The following EPB41L4B variants were observed in gnomAD, a reference collection of about 807,000 sequenced individuals.
EPB41L4B encodes band 4.1-like protein 4B.
In EPB41L4B, 30 loss-of-function variants were observed where a neutral mutation model predicts 112.5. That is an observed-to-expected ratio of 0.27 (90% confidence interval 0.20 to 0.36). The LOEUF (loss-of-function observed/expected upper bound fraction) is 0.36. EPB41L4B is among the 10% of genes least tolerant of loss of function. EPB41L4B has a pLI of 1.00. For missense variants in EPB41L4B, 1,024 were observed against 1,133.3 expected (o/e 0.90, Z 1.38); for synonymous variants, 408 against 439.7 (o/e 0.93, Z 0.90).
intron 13 of EPB41L4B, among the ~76,000 whole-genome samples, chr9:109,250,596 C>T (rs1246014138): frequency 6.6e-6 from 1 of 152,178 alleles, no homozygotes; most frequent in Non-Finnish European, 1.5e-5. Flanking sequence ...GCAGTTGTTT[C>T]AGAGAGAGCA....
intron 16 of EPB41L4B, among the ~76,000 whole-genome samples, chr9:109,215,126 A>AC (rs1342719687): frequency 3.9e-5 from 6 of 152,168 alleles, no homozygotes; most frequent in Non-Finnish European, 8.8e-5. Context: ...TCAACAGCTC[A>AC]CAGACTCACA....
intron 15 of EPB41L4B, among the ~76,000 whole-genome samples, chr9:109,241,990 T>C (rs1333272059): frequency 6.6e-6 from 1 of 152,180 alleles, no homozygotes; most frequent in Non-Finnish European, 1.5e-5. Context: ...CAGATGCAGA[T>C]CACCTATGAA....
chr9:109,256,180 G>T lies in EPB41L4B; in HGVS notation c.885C>A (p.Gly295=). Residue 295 remains glycine, a synonymous_variant, in exon 9 of 26, where the codon GGC becomes GGA. Coordinates refer to ENST00000374566, the MANE Select transcript of EPB41L4B (RefSeq NM_019114.5). Reference sequence around the variant, plus strand: ...TGTTAGCTCCTTCAAAGATTAATATGCCTGTCGGGGTCAGTCCAAGAGAAT... The same window carrying T: ...TGTTAGCTCCTTCAAAGATTAATATTCCTGTCGGGGTCAGTCCAAGAGAAT... ...CEYSLGLTPT[G]ILIFEGANKI... 1 of 1,614,152 alleles carries T rather than the reference G, an allele frequency of 6.2e-7. No individual in the cohort carries two copies. Among genetic ancestry groups the T allele is most frequent in the Middle Eastern group, 1.6e-4 (1 of 6,062 alleles).
intron 15 of EPB41L4B, among the ~76,000 whole-genome samples, chr9:109,235,389 A>AC (rs1834102957): frequency 9.9e-6 from 1 of 100,716 alleles, no homozygotes; most frequent in African/African-American, 3.5e-5. Flanking sequence ...CTTCAGCTAG[A>AC]CTTTTTTTTT....
chr9:109,199,957 G>A (rs1564260263), intron 20 of EPB41L4B, among the ~76,000 whole-genome samples: 1 of 152,096 alleles, frequency 6.6e-6, no homozygotes, highest in African/African-American at 2.4e-5. Flanking sequence ...GCCATGCCCC[G>A]ACCCCCACTC....
chr9:109,303,366 G>A (rs1837051377), intron 1 of EPB41L4B, among the ~76,000 whole-genome samples: 1 of 152,102 alleles, frequency 6.6e-6, no homozygotes, highest in African/African-American at 2.4e-5. Flanking sequence ...CGGGTTTTGA[G>A]ACAGCATCTT....
chr9:109,301,524 C>T (rs1836965886), intron 1 of EPB41L4B, among the ~76,000 whole-genome samples: 1 of 152,172 alleles, frequency 6.6e-6, no homozygotes, highest in South Asian at 2.1e-4. Flanking sequence ...CCTGAGCTTC[C>T]CTACCCCCGA....
intron 18 of EPB41L4B, 126 bp downstream of exon 18, chr9:109,207,798 C>T (rs1351770853): frequency 1.2e-5 from 14 of 1,173,232 alleles, no homozygotes; most frequent in African/African-American, 3.1e-5. Flanking sequence ...TTCACATGCC[C>T]GGTTCTCATC....
chr9:109,258,404 G>C, intron 6 of EPB41L4B, 107 bp from the exon 7 acceptor site: 1 of 1,180,502 alleles, frequency 8.5e-7, no homozygotes, highest in Non-Finnish European at 1.2e-6. Context: ...ACAGCCCCCC[G>C]CCCCAATGTA....
intron 1 of EPB41L4B, among the ~76,000 whole-genome samples, chr9:109,294,130 C>G (rs532717778): frequency 2.6e-5 from 4 of 151,692 alleles, no homozygotes; most frequent in African/African-American, 4.8e-5. Context: ...CACAGTGAAA[C>G]CCCATTTCTA....
At chr9:109,304,296 G>A (rs762009235) in intron 1 of EPB41L4B, among the ~76,000 whole-genome samples, 10 of 152,086 alleles carry the variant, frequency 6.6e-5, no homozygotes, top group Non-Finnish European at 1.0e-4. Context: ...GTCTTAGAAC[G>A]CCAGCTGGCT....
intron 15 of EPB41L4B, among the ~76,000 whole-genome samples, chr9:109,233,037 T>C (rs1259942624): frequency 6.6e-6 from 1 of 152,228 alleles, no homozygotes; most frequent in East Asian, 1.9e-4. Context: ...CCTCTTGCTT[T>C]TGAGGTCTCA....
intron 1 of EPB41L4B, among the ~76,000 whole-genome samples, chr9:109,311,099 G>A (rs934618577): frequency 1.3e-5 from 2 of 152,152 alleles, no homozygotes; most frequent in East Asian, 1.9e-4. Context: ...GATGAAAAAC[G>A]TCTGGAGACC....
chr9:109,186,345 G>A (rs548473289), intron 22 of EPB41L4B, among the ~76,000 whole-genome samples: 2 of 152,050 alleles, frequency 1.3e-5, no homozygotes, highest in Admixed American at 1.3e-4. Flanking sequence ...GCACCACCAT[G>A]CCCAGCTAAT....
At chr9:109,202,288 C>A (rs1016219079) in intron 19 of EPB41L4B, among the ~76,000 whole-genome samples, 12 of 152,152 alleles carry the variant, frequency 7.9e-5, no homozygotes, top group African/African-American at 2.9e-4. Flanking sequence ...TTATACCAAG[C>A]ACACAGATTG....
At chr9:109,283,076 T>C (rs1157326092) in intron 1 of EPB41L4B, among the ~76,000 whole-genome samples, 1 of 152,206 alleles carries the variant, frequency 6.6e-6, no homozygotes, top group Admixed American at 6.5e-5. Context: ...AAATACACTT[T>C]TTTCTTAAAG....
chr9:109,234,346 G>A (rs1387528984), intron 15 of EPB41L4B, among the ~76,000 whole-genome samples: 5 of 152,130 alleles, frequency 3.3e-5, no homozygotes, highest in Non-Finnish European at 7.4e-5. Context: ...GTACAAGAAT[G>A]GCAGCACCAC....
intron 6 of EPB41L4B, among the ~76,000 whole-genome samples, chr9:109,262,452 G>GTGTGGGTGT: frequency 6.7e-6 from 1 of 149,656 alleles, no homozygotes; most frequent in South Asian, 2.1e-4. Flanking sequence ...TGTGTGTGGG[G>GTGTGGGTGT]GTGTGTGTGT....
chr9:109,307,616 C>A (rs961029485), intron 1 of EPB41L4B, among the ~76,000 whole-genome samples: 1 of 152,236 alleles, frequency 6.6e-6, no homozygotes, highest in Non-Finnish European at 1.5e-5. Flanking sequence ...TCTCAGGCCC[C>A]AGCAGGCAAG....
Sources: allele counts gnomAD v4.1 joint callset (sites outside exome capture counted in the v4.1 genomes callset), GRCh38; gene constraint gnomAD v4.1.1; transcripts MANE v1.5; gene names NCBI Gene and HGNC (gene_info 2026-07-23, HGNC 2026-07-21).